The following MACROD2 variants were observed in gnomAD, a reference collection of about 807,000 sequenced individuals.
The protein encoded by MACROD2 is mono-ADP ribosylhydrolase 2, also known as ADP-ribose glycohydrolase MACROD2.
MACROD2 carries 36 observed loss-of-function variants against 70.4 expected under a neutral mutation model. The observed-to-expected ratio is 0.51, with a 90% CI of 0.39 to 0.68. The LOEUF is 0.68. MACROD2 is among the 30% of genes least tolerant of loss of function. MACROD2 has a pLI of 0.00. For synonymous variants in MACROD2, 172 were observed against 178.8 expected (o/e 0.96, Z 0.30); for missense variants, 496 against 538.4 (o/e 0.92, Z 0.78).
intron 5 of MACROD2, among the ~76,000 whole-genome samples, chr20:14,937,280 G>T (rs1411077703): frequency 2.0e-5 from 3 of 152,174 alleles, no homozygotes; most frequent in East Asian, 3.9e-4. Context: ...GTGGTAGGGG[G>T]TGAGTGTGCA....
At chr20:15,407,919 T>A (rs2046025889) in intron 6 of MACROD2, among the ~76,000 whole-genome samples, 2 of 152,152 alleles carry the variant, frequency 1.3e-5, no homozygotes, top group Admixed American at 1.3e-4. Flanking sequence ...ATGGAGTGAT[T>A]TCCTCAGGGT....
intron 5 of MACROD2, among the ~76,000 whole-genome samples, chr20:15,019,167 G>A (rs550581395): frequency 1.4e-4 from 22 of 151,918 alleles, no homozygotes; most frequent in African/African-American, 3.1e-4. Flanking sequence ...ACACACACGC[G>A]CGCGCGCGCG....
In MACROD2 at chr20:14,211,733, G is replaced by A. The variant is rs144729027; in HGVS notation, c.271+126005G>A. On this transcript the variant is annotated intron_variant, in intron 3 of 17. Transcript: ENST00000684519. ...CTAGTTCTCTTCATGAGTGGTCACC[G>A]TAGTGTGTCTCTAGACTGAAGGTCT... Among the ~76,000 whole-genome samples, 141 of 152,270 alleles carry A rather than the reference G, an allele frequency of 9.3e-4. 1 individual carries two copies. Among genetic ancestry groups the A allele is most frequent in the African/African-American group, 3.2e-3 (135 of 41,564 alleles).
At chr20:14,737,015 TACATAGGTATAC>T (rs1315610571) in intron 5 of MACROD2, among the ~76,000 whole-genome samples, 3 of 152,130 alleles carry the variant, frequency 2.0e-5, no homozygotes, top group Non-Finnish European at 4.4e-5. Flanking sequence ...GCAGGTTTGT[TACATAGGTATAC>T]ACATGCCATG....
intron 6 of MACROD2, among the ~76,000 whole-genome samples, chr20:15,291,699 C>G (rs544659327): frequency 6.6e-6 from 1 of 152,200 alleles, no homozygotes; most frequent in South Asian, 2.1e-4. Context: ...AAAATCATGA[C>G]AGTTTCATGA....
chr20:15,185,116 A>C (rs901583767), intron 5 of MACROD2, among the ~76,000 whole-genome samples: 1 of 152,176 alleles, frequency 6.6e-6, no homozygotes, highest in Non-Finnish European at 1.5e-5. Flanking sequence ...CCTTAAGTAC[A>C]TAGATCATAC....
intron 5 of MACROD2, among the ~76,000 whole-genome samples, chr20:14,766,151 A>G (rs1942993176): frequency 6.6e-6 from 1 of 152,080 alleles, no homozygotes; most frequent in Non-Finnish European, 1.5e-5. Context: ...GTGTGTGTAC[A>G]CTGAAGAGTG....
intron 10 of MACROD2, among the ~76,000 whole-genome samples, chr20:15,887,901 C>T (rs753286620): frequency 2.0e-5 from 3 of 152,070 alleles, no homozygotes; most frequent in South Asian, 2.1e-4. Flanking sequence ...TTTACATACA[C>T]GTTCCAGTTC....
intron 4 of MACROD2, among the ~76,000 whole-genome samples, chr20:14,570,913 G>A (rs920252853): frequency 6.6e-6 from 1 of 151,962 alleles, no homozygotes; most frequent in African/African-American, 2.4e-5. Flanking sequence ...ATGTAGCCTG[G>A]TTTATTCCTA....
At chr20:15,970,290 T>C (rs184599797) in intron 13 of MACROD2, among the ~76,000 whole-genome samples, 5 of 152,304 alleles carry the variant, frequency 3.3e-5, no homozygotes, top group Admixed American at 3.3e-4. Context: ...TAAATGGTAG[T>C]TACTGGATAA....
intron 5 of MACROD2, among the ~76,000 whole-genome samples, chr20:14,827,617 C>G (rs1279962945): frequency 6.6e-6 from 1 of 151,428 alleles, no homozygotes; most frequent in Non-Finnish European, 1.5e-5. Context: ...GGTTTTGCAC[C>G]CTGATAGACT....
intron 10 of MACROD2, among the ~76,000 whole-genome samples, chr20:15,916,204 A>T (rs1442257421): frequency 6.6e-6 from 1 of 152,014 alleles, no homozygotes; most frequent in Non-Finnish European, 1.5e-5. Context: ...ACTTTTGGGG[A>T]GCCTGGCTCT....
At chr20:14,851,747 A>G (rs1399489763) in intron 5 of MACROD2, among the ~76,000 whole-genome samples, 3 of 152,206 alleles carry the variant, frequency 2.0e-5, no homozygotes, top group Non-Finnish European at 2.9e-5. Flanking sequence ...TACTCTTCAT[A>G]CAAAGTCTTG....
intron 5 of MACROD2, among the ~76,000 whole-genome samples, chr20:15,007,773 C>G (rs1250454834): frequency 1.3e-5 from 2 of 152,222 alleles, no homozygotes; most frequent in African/African-American, 2.4e-5. Context: ...GGGCGTCTAC[C>G]TCCAACACCA....
At chr20:14,510,705 A>C (rs951036053) in intron 4 of MACROD2, among the ~76,000 whole-genome samples, 9 of 152,118 alleles carry the variant, frequency 5.9e-5, no homozygotes, top group Admixed American at 1.3e-4. Context: ...TATTCTTGTC[A>C]CAGTTTTTAT....
intron 15 of MACROD2, among the ~76,000 whole-genome samples, chr20:16,024,631 A>G (rs529455915): frequency 6.6e-6 from 1 of 152,290 alleles, no homozygotes; most frequent in African/African-American, 2.4e-5. Context: ...CAGGTCTACA[A>G]CCACGCAAAT....
intron 6 of MACROD2, among the ~76,000 whole-genome samples, chr20:15,319,093 G>C (rs1311509178): frequency 6.6e-6 from 1 of 152,134 alleles, no homozygotes; most frequent in African/African-American, 2.4e-5. Context: ...AACTGCTAGT[G>C]TTAGTAAACA....
chr20:15,580,719 A>G (rs972710279), intron 8 of MACROD2, among the ~76,000 whole-genome samples: 1 of 152,210 alleles, frequency 6.6e-6, no homozygotes, highest in Non-Finnish European at 1.5e-5. Flanking sequence ...AAAGGCATTC[A>G]CATTGGTTAA....
intron 5 of MACROD2, among the ~76,000 whole-genome samples, chr20:14,842,742 G>A (rs1029845073): frequency 2.0e-5 from 3 of 151,930 alleles, no homozygotes; most frequent in Non-Finnish European, 4.4e-5. Flanking sequence ...GTTTGGTTTT[G>A]GATTAATGTT....
Sources: gnomAD v4.1 joint callset for allele counts (sites outside exome capture counted in the v4.1 genomes callset) on GRCh38, gnomAD v4.1.1 for gene constraint, MANE v1.5 for transcripts, NCBI Gene and HGNC (gene_info 2026-07-23, HGNC 2026-07-21) for gene names.